ERC2: variants seen among roughly 807,000 people sequenced by gnomAD.
The protein encoded by ERC2 is ERC protein 2.
A neutral mutation model predicts 114.8 loss-of-function variants in ERC2; 42 were observed. The observed-to-expected ratio is 0.37, with a 90% CI of 0.29 to 0.47. The LOEUF is 0.47. ERC2 is among the 20% of genes least tolerant of loss of function. The pLI, the probability that ERC2 is intolerant of heterozygous loss-of-function variation, is 0.99. For missense variants in ERC2, 939 were observed against 1,150.7 expected (o/e 0.82, Z 2.66); for synonymous variants, 454 against 425.5 (o/e 1.07, Z -0.82).
At chr3:55,709,092 T>C (rs2063637416) in intron 15 of ERC2, among the ~76,000 whole-genome samples, 1 of 152,196 alleles carries the variant, frequency 6.6e-6, no homozygotes, top group Admixed American at 6.5e-5. Context: ...GCTCCCTAAC[T>C]AATGAATGGG....
At chr3:56,086,876 G>C (rs2077532641) in intron 6 of ERC2, among the ~76,000 whole-genome samples, 1 of 151,978 alleles carries the variant, frequency 6.6e-6, no homozygotes, top group African/African-American at 2.4e-5. Context: ...AAATGTTTAG[G>C]TATATGGAAT....
chr3:56,362,360 G>A (rs2058990372), intron 2 of ERC2, among the ~76,000 whole-genome samples: 1 of 152,196 alleles, frequency 6.6e-6, no homozygotes, highest in South Asian at 2.1e-4. Context: ...ACATTGGTAG[G>A]AGAGAGAGGG....
intron 17 of ERC2, among the ~76,000 whole-genome samples, chr3:55,633,755 G>A (rs2059847885): frequency 1.3e-5 from 2 of 152,210 alleles, no homozygotes; most frequent in Non-Finnish European, 2.9e-5. Context: ...TCCAGGAAGA[G>A]TGAATATATT....
intron 1 of ERC2, among the ~76,000 whole-genome samples, chr3:56,440,702 G>A (rs2062259164): frequency 6.6e-6 from 1 of 152,126 alleles, no homozygotes; most frequent in Non-Finnish European, 1.5e-5. Flanking sequence ...TTTTAAGTGT[G>A]TATGTGTGTG....
chr3:56,438,396 G>C (rs141200696), intron 1 of ERC2, among the ~76,000 whole-genome samples: 1 of 152,190 alleles, frequency 6.6e-6, no homozygotes. Context: ...GTTGGTCAAG[G>C]AGATGGATTT....
rs140320280 is a variant in ERC2, at chr3:56,435,062, G to C, written c.-55C>G. The C allele has an allele frequency of 1.2e-4, 167 of 1,378,420 alleles. No homozygotes were observed. In the African/African-American group the frequency reaches 2.0e-3, roughly 17 times the overall value. 85.4% of individuals were successfully genotyped at this position (1,378,420 alleles called of 1,614,324 possible). A position where few individuals can be genotyped will look rare whatever the true frequency, so the allele number is the denominator to read the frequency against. The stretch of plus-strand genomic sequence containing the variant: ...AGAAGAAATGCTATATTAAGTTGGG[G>C]TTTGAGCTAATATTTCCACGATTGT... On this transcript the variant is annotated 5_prime_UTR_variant, in exon 2 of 18. Coordinates refer to ENST00000288221, the MANE Select transcript of ERC2 (RefSeq NM_015576.3).
intron 2 of ERC2, among the ~76,000 whole-genome samples, chr3:56,374,400 T>C (rs1412665738): frequency 6.6e-6 from 1 of 152,220 alleles, no homozygotes; most frequent in Non-Finnish European, 1.5e-5. Flanking sequence ...CCTGGCCCAG[T>C]GTTTGTTTTT....
intron 13 of ERC2, among the ~76,000 whole-genome samples, chr3:55,921,001 A>G (rs2065394856): frequency 6.6e-6 from 1 of 152,116 alleles, no homozygotes; most frequent in South Asian, 2.1e-4. Flanking sequence ...CTGAATCATA[A>G]CCACTCGGTT....
intron 2 of ERC2, among the ~76,000 whole-genome samples, chr3:56,307,907 T>C (rs2056325909): frequency 6.6e-6 from 1 of 151,842 alleles, no homozygotes; most frequent in African/African-American, 2.4e-5. Context: ...TAATGAAGTA[T>C]AGAAGAAAGG....
chr3:55,747,602 A>G (rs2066389367), intron 14 of ERC2, among the ~76,000 whole-genome samples: 1 of 152,246 alleles, frequency 6.6e-6, no homozygotes, highest in Non-Finnish European at 1.5e-5. Flanking sequence ...CCACTATGAA[A>G]ACACACTAAG....
At chr3:55,520,433 C>CCAA (rs1553687611) in intron 17 of ERC2, among the ~76,000 whole-genome samples, 1 of 109,556 alleles carries the variant, frequency 9.1e-6, no homozygotes, top group Non-Finnish European at 1.8e-5. Flanking sequence ...GACTCTGTCT[C>CCAA]AAAAAAAAAA....
At chr3:55,744,819 A>T (rs546416888) in intron 14 of ERC2, among the ~76,000 whole-genome samples, 159 of 152,342 alleles carry the variant, frequency 1.0e-3, no homozygotes, top group Middle Eastern at 3.4e-3. Flanking sequence ...CAAAACTCCA[A>T]GAACCTGGAC....
chr3:56,291,378 A>ACATTTTT, intron 3 of ERC2, among the ~76,000 whole-genome samples: 1 of 152,216 alleles, frequency 6.6e-6, no homozygotes, highest in Non-Finnish European at 1.5e-5. Flanking sequence ...CTTCCAAGTA[A>ACATTTTT]GTTGAGATCA....
At chr3:56,425,317 G>A (rs552919030) in intron 2 of ERC2, among the ~76,000 whole-genome samples, 1 of 152,160 alleles carries the variant, frequency 6.6e-6, no homozygotes, top group African/African-American at 2.4e-5. Flanking sequence ...GAAGATGTAA[G>A]GCTCTCTTGA....
intron 3 of ERC2, among the ~76,000 whole-genome samples, chr3:56,243,122 G>A (rs1025737414): frequency 6.6e-6 from 1 of 152,096 alleles, no homozygotes; most frequent in Non-Finnish European, 1.5e-5. Flanking sequence ...CAGATGCTTT[G>A]AGGGCCATCA....
At chr3:56,311,237 CTCTCTCT>C (rs2056531319) in intron 2 of ERC2, among the ~76,000 whole-genome samples, 1 of 16,374 alleles carries the variant, frequency 6.1e-5, no homozygotes, top group South Asian at 2.1e-3. Context: ...CATCTTCTCT[CTCTCTCT>C]CTCTCTCTCT....
At chr3:56,294,048 T>C (rs2055268525) in intron 3 of ERC2, among the ~76,000 whole-genome samples, 1 of 152,214 alleles carries the variant, frequency 6.6e-6, no homozygotes, top group African/African-American at 2.4e-5. Context: ...TTTCCAACTA[T>C]AGTGATCCTC....
intron 14 of ERC2, among the ~76,000 whole-genome samples, chr3:55,795,416 A>G (rs919734268): frequency 2.0e-4 from 31 of 152,168 alleles, no homozygotes; most frequent in African/African-American, 7.5e-4. Flanking sequence ...CTTCACCGTC[A>G]TAAGAACACT....
intron 14 of ERC2, among the ~76,000 whole-genome samples, chr3:55,829,710 G>T (rs374496784): frequency 1.5e-4 from 23 of 152,100 alleles, no homozygotes; most frequent in African/African-American, 5.5e-4. Context: ...TGTAAAGATG[G>T]TGTCTCACTA....
Sources: gnomAD v4.1 joint callset for allele counts (sites outside exome capture counted in the v4.1 genomes callset) on GRCh38, gnomAD v4.1.1 for gene constraint, MANE v1.5 for transcripts, NCBI Gene and HGNC (gene_info 2026-07-23, HGNC 2026-07-21) for gene names.